The following SULT1C3 variants were observed in gnomAD, a reference collection of about 807,000 sequenced individuals.
The protein encoded by SULT1C3 is sulfotransferase 1C3.
In SULT1C3, 31 loss-of-function variants were observed where a neutral mutation model predicts 28.4. That is an observed-to-expected ratio of 1.09 (90% confidence interval 0.82 to 1.47). The LOEUF (loss-of-function observed/expected upper bound fraction) is 1.47, where lower values mean the gene tolerates loss of function less well. Among genes scored for constraint, SULT1C3 ranks in the 40% most tolerant of loss-of-function variants. SULT1C3 has a pLI of 0.00. For missense variants in SULT1C3, 307 were observed against 272.5 expected (o/e 1.13, Z -0.89); for synonymous variants, 106 against 92.2 (o/e 1.15, Z -0.86).
chr2:108,259,415 A>G (rs1051342131), intron 7 of SULT1C3, among the ~76,000 whole-genome samples: 2 of 151,988 alleles, frequency 1.3e-5, no homozygotes, highest in Admixed American at 6.6e-5. Context: ...GTAGCCCTCA[A>G]ATTTGCTTTT....
chr2:108,257,467 T>C (rs1225285379), intron 5 of SULT1C3, among the ~76,000 whole-genome samples: 1 of 152,054 alleles, frequency 6.6e-6, no homozygotes, highest in Non-Finnish European at 1.5e-5. Flanking sequence ...TATGCATATA[T>C]ATAAAACATG....
chr2:108,252,644 T>A (rs573727198), intron 3 of SULT1C3, 151 bp downstream of exon 3: 1 of 918,610 alleles, frequency 1.1e-6, no homozygotes, highest in South Asian at 2.5e-5. Context: ...AAACTCTAGA[T>A]TGGGTCTTCA....
At chr2:108,255,255 T>C (rs1675839504) in intron 4 of SULT1C3, among the ~76,000 whole-genome samples, 1 of 151,982 alleles carries the variant, frequency 6.6e-6, no homozygotes, top group South Asian at 2.1e-4. Flanking sequence ...GCTCCATGAT[T>C]ACTCAGCATA....
chr2:108,240,069 T>C lies in SULT1C3; in HGVS notation c.-22T>C, dbSNP rs919342116. Among the ~76,000 whole-genome samples, 1 of 152,222 alleles carries C rather than the reference T, an allele frequency of 6.6e-6. No homozygotes were observed. The highest frequency in any genetic ancestry group is 2.4e-5 in the African/African-American group (1 of 41,456). On this transcript the variant is annotated 5_prime_UTR_variant, in exon 1 of 8. Transcript: ENST00000681802. ...AAAGGCAGCAAGCTGCTTCCTCTGC[T>C]GCCTGAGATACCAGGTAAGCCTCAC...
At chr2:108,262,612 T>C (rs1049043144), downstream of SULT1C3, among the ~76,000 whole-genome samples, 21 of 152,216 alleles carry the variant, frequency 1.4e-4, no homozygotes, top group Admixed American at 2.0e-4. Context: ...TGATGAAAGT[T>C]CGTAAAAGCT....
intron 1 of SULT1C3, among the ~76,000 whole-genome samples, chr2:108,245,130 G>A (rs1437163757): frequency 6.6e-6 from 1 of 152,070 alleles, no homozygotes; most frequent in Non-Finnish European, 1.5e-5. Context: ...TCTGTCTTTG[G>A]CTCCTGAATC....
downstream of SULT1C3, chr2:108,264,887 T>C: frequency 6.2e-7 from 1 of 1,613,846 alleles, no homozygotes; most frequent in Non-Finnish European, 8.5e-7. Context: ...CAGAGGAAAT[T>C]CTGAATAAAA....
chr2:108,251,907 T>C (rs376451034), intron 2 of SULT1C3, among the ~76,000 whole-genome samples: 4 of 152,050 alleles, frequency 2.6e-5, no homozygotes, highest in African/African-American at 9.7e-5. Flanking sequence ...CTAGATGTGA[T>C]GAGAAACATT....
chr2:108,253,162 C>T (rs1207117111), intron 3 of SULT1C3, among the ~76,000 whole-genome samples, 183 bp from the exon 4 acceptor site: 5 of 152,064 alleles, frequency 3.3e-5, no homozygotes, highest in African/African-American at 1.2e-4. Context: ...AGGAAATAAG[C>T]AAAACTCTCC....
intron 3 of SULT1C3, 83 bp from the exon 4 acceptor site, chr2:108,253,262 C>T: frequency 1.1e-6 from 1 of 885,036 alleles, no homozygotes; most frequent in Non-Finnish European, 1.6e-6. Flanking sequence ...TATAATCACT[C>T]TACAGACAAA....
intron 5 of SULT1C3, 90 bp downstream of exon 5, chr2:108,255,788 C>A: frequency 6.9e-7 from 1 of 1,459,174 alleles, no homozygotes; most frequent in Non-Finnish European, 9.1e-7. Flanking sequence ...TTACAAAAGG[C>A]CATCCTGATT....
At position 108,247,336 on chromosome 2, in the gene SULT1C3, G is replaced by A; in HGVS notation, c.142G>A (p.Asp48Asn). 6.4e-7 allele frequency: 1 copy of A among 1,558,254 alleles called. No individual in the cohort carries two copies. The highest frequency in any genetic ancestry group is 8.7e-7 in the Non-Finnish European group (1 of 1,152,064). Residue 48 changes from aspartate to asparagine, a missense_variant, in exon 2 of 8, where the codon GAT (aspartate) becomes AAT (asparagine). Physicochemically the swap from Asp to Asn is conservative, Grantham distance 23. Transcript: ENST00000681802. ...KVCNFQAKPD[D>N]LILATYPKSG... ...ATGTAATTTCCAAGCCAAGCCTGAT[G>A]ATCTTATTCTGGCAACTTACCCAAA...
intron 3 of SULT1C3, 28 bp downstream of exon 3, chr2:108,252,521 GA>G (rs759626286): frequency 4.6e-5 from 74 of 1,609,264 alleles, no homozygotes; most frequent in Non-Finnish European, 6.0e-5. Flanking sequence ...AGATAGAAAG[GA>G]CTTTCACTTC....
intron 1 of SULT1C3, among the ~76,000 whole-genome samples, chr2:108,246,439 C>G (rs1056288779): frequency 6.6e-6 from 1 of 152,048 alleles, no homozygotes; most frequent in East Asian, 1.9e-4. Context: ...TGGTGGAAGG[C>G]AATGAATGGC....
Position 108,260,564 on chromosome 2 carries a change from A to T in SULT1C3, c.803-4A>T. 1.9e-6 allele frequency: 1 copy of T among 513,622 alleles called. No homozygotes were observed. 31.8% of individuals were successfully genotyped at this position (513,622 alleles called of 1,614,324 possible). ...CTGTCATGAACTTCTTTGATGTCCTACAGGGATGCCTGGAGACTGGAAGAA... is the reference window on the plus strand; with the variant it reads ...CTGTCATGAACTTCTTTGATGTCCTTCAGGGATGCCTGGAGACTGGAAGAA... On this transcript the variant is annotated splice_polypyrimidine_tract_variant and splice_region_variant and intron_variant, in intron 7 of 7. Transcript: ENST00000681802.
chr2:108,252,129 A>G (rs984322820), intron 2 of SULT1C3, among the ~76,000 whole-genome samples: 2 of 151,024 alleles, frequency 1.3e-5, no homozygotes, highest in African/African-American at 4.9e-5. Flanking sequence ...ATAGATACAT[A>G]AAGAAACAGA....
intron 6 of SULT1C3, 57 bp downstream of exon 6, chr2:108,258,885 C>A: frequency 1.4e-6 from 2 of 1,395,980 alleles, no homozygotes; most frequent in Non-Finnish European, 2.0e-6. Flanking sequence ...CAATGTTATT[C>A]TGTTAAAAAG....
chr2:108,247,507 A>G (rs762411158), intron 2 of SULT1C3, 141 bp downstream of exon 2: 35 of 777,210 alleles, frequency 4.5e-5, no homozygotes, highest in Non-Finnish European at 6.4e-5. Context: ...GCTGCAGGAC[A>G]TTTAGCATTC....
intron 1 of SULT1C3, among the ~76,000 whole-genome samples, chr2:108,245,595 G>T (rs536770177): frequency 1.4e-4 from 22 of 152,250 alleles, no homozygotes; most frequent in African/African-American, 5.1e-4. Context: ...TAACACGGTT[G>T]TAGTAGCTAG....
Sources: gnomAD v4.1 joint callset for allele counts (sites outside exome capture counted in the v4.1 genomes callset) on GRCh38, gnomAD v4.1.1 for gene constraint, MANE v1.5 for transcripts, NCBI Gene and HGNC (gene_info 2026-07-23, HGNC 2026-07-21) for gene names.